MINDY3: variants seen among roughly 807,000 people sequenced by gnomAD.
MINDY3 encodes the protein MINDY lysine 48 deubiquitinase 3.
A neutral mutation model predicts 69.2 loss-of-function variants in MINDY3; 38 were observed. That is an observed-to-expected ratio of 0.55 (90% CI 0.42 to 0.72). MINDY3 has a LOEUF of 0.72. Ranked by LOEUF, MINDY3 falls within the 30% of genes least tolerant of loss-of-function variation. The pLI, the probability that MINDY3 is intolerant of heterozygous loss-of-function variation, is 0.00. For missense variants in MINDY3, 522 were observed against 519.0 expected (o/e 1.01, Z -0.06); for synonymous variants, 192 against 180.1 (o/e 1.07, Z -0.53).
At position 15,854,860 on chromosome 10, in the gene MINDY3, T is replaced by G. The variant is rs764363378; in HGVS notation, c.94+5346A>C. On this transcript the variant is annotated intron_variant, in intron 1 of 14. Coordinates refer to ENST00000277632, the MANE Select transcript of MINDY3 (RefSeq NM_024948.4). ...TTAATAAGAAAGTGACAACTAAGGT[T>G]TCTGGTTATGTTAAAACAACCAAAT... 5.1e-4 allele frequency among the ~76,000 whole-genome samples: 77 copies of G among 152,064 alleles called. 2 individuals carry two copies. Among genetic ancestry groups the G allele is most frequent in the Admixed American group, 4.5e-3 (69 of 15,252 alleles).
chr10:15,850,691 A>G (rs1329465562), intron 1 of MINDY3, among the ~76,000 whole-genome samples: 1 of 152,160 alleles, frequency 6.6e-6, no homozygotes, highest in Non-Finnish European at 1.5e-5. Flanking sequence ...CCGGCCCAGT[A>G]CAACATGAAA....
chr10:15,841,219 AT>A (rs960270512), intron 4 of MINDY3, among the ~76,000 whole-genome samples: 3 of 149,610 alleles, frequency 2.0e-5, no homozygotes, highest in African/African-American at 7.3e-5. Flanking sequence ...TAAGAGATGC[AT>A]TTTTTTTTGC....
intron 6 of MINDY3, among the ~76,000 whole-genome samples, chr10:15,836,545 G>A (rs545788596): frequency 6.6e-6 from 1 of 151,966 alleles, no homozygotes; most frequent in African/African-American, 2.4e-5. Flanking sequence ...AGACATGATA[G>A]ATCTAATAGC....
chr10:15,798,565 CAGGACTTAGTTAG>C lies in MINDY3; in HGVS notation c.883-2406_883-2394del, dbSNP rs1399321597. On this transcript the variant is annotated intron_variant, in intron 10 of 14. Coordinates refer to ENST00000277632, the MANE Select transcript of MINDY3 (RefSeq NM_024948.4). ...GGCCAAGGTGGGCAGATAACGAGGT[CAGGACTTAGTTAG>C]AGACCAGACTGGCCAACATGGTGAA... is the stretch of plus-strand genomic sequence containing the variant. Among the ~76,000 whole-genome samples the C allele has an allele frequency of 2.6e-5, 4 of 151,108 alleles. No individual in the cohort carries two copies. The East Asian group carries it at 7.8e-4, about 29-fold the overall frequency.
At chr10:15,841,376 TA>T in intron 4 of MINDY3, 49 bp downstream of exon 4, 2 of 1,446,002 alleles carry the variant, frequency 1.4e-6, no homozygotes, top group South Asian at 2.5e-5. Context: ...ATAGATTCAT[TA>T]AAACAAAGGA....
chr10:15,848,650 AAAAAAAAAAAAAGAAAG>A (rs1289436863), intron 1 of MINDY3, among the ~76,000 whole-genome samples: 17 of 128,776 alleles, frequency 1.3e-4, no homozygotes, highest in Admixed American at 5.9e-4. Context: ...AAAAAAAAAA[AAAAAAAAAAAAAGAAAG>A]AAAAATTAAA....
intron 14 of MINDY3, among the ~76,000 whole-genome samples, chr10:15,780,040 C>T (rs139468338): frequency 5.5e-4 from 84 of 152,254 alleles, no homozygotes; most frequent in African/African-American, 1.9e-3. Context: ...GAAACAGATA[C>T]AGACGACTGT....
chr10:15,822,198 C>G (rs926158332), intron 8 of MINDY3, among the ~76,000 whole-genome samples: 1 of 152,120 alleles, frequency 6.6e-6, no homozygotes, highest in African/African-American at 2.4e-5. Context: ...ACATTTAATG[C>G]CATCCCTCTT....
intron 10 of MINDY3, among the ~76,000 whole-genome samples, chr10:15,803,443 A>G (rs1838404695): frequency 1.3e-5 from 2 of 152,112 alleles, no homozygotes; most frequent in Admixed American, 1.3e-4. Context: ...AAGACAAAAC[A>G]CTTCAGAGGT....
chr10:15,853,465 A>AGCTGTCCTAGTGGTC lies in MINDY3; in HGVS notation c.95-5537_95-5523dup, dbSNP rs554202083. On this transcript the variant is annotated intron_variant, in intron 1 of 14. Coordinates refer to ENST00000277632, the MANE Select transcript of MINDY3 (RefSeq NM_024948.4). ...AGCATACATCGAGACAGTAACATCA[A>AGCTGTCCTAGTGGTC]GCTGTCCTAGTGGTCACTGTCCTAA... Among the ~76,000 whole-genome samples, 662 of 152,266 alleles carry AGCTGTCCTAGTGGTC rather than the reference A, an allele frequency of 4.3e-3. 6 individuals carry two copies. The highest frequency in any genetic ancestry group is 0.015 in the African/African-American group (637 of 41,556).
intron 10 of MINDY3, among the ~76,000 whole-genome samples, chr10:15,805,567 C>T (rs1247453049): frequency 6.6e-6 from 1 of 152,090 alleles, no homozygotes; most frequent in Non-Finnish European, 1.5e-5. Context: ...TTGCTGCTTC[C>T]TCCTTCTAAG....
intron 9 of MINDY3, chr10:15,817,657 C>G (rs894351396): frequency 2.0e-5 from 3 of 152,212 alleles, no homozygotes; most frequent in African/African-American, 4.8e-5. Context: ...CAATTCCACT[C>G]TCATATGAAG....
intron 8 of MINDY3, among the ~76,000 whole-genome samples, chr10:15,823,382 G>C (rs773957476): frequency 6.6e-6 from 1 of 152,040 alleles, no homozygotes; most frequent in Non-Finnish European, 1.5e-5. Flanking sequence ...TAAGCACAGA[G>C]TTTTACAGAG....
intron 1 of MINDY3, 128 bp from the exon 2 acceptor site, chr10:15,848,071 G>A (rs1219180792): frequency 9.7e-6 from 7 of 722,000 alleles, no homozygotes; most frequent in Middle Eastern, 3.7e-4. Context: ...ATCATGAGGT[G>A]TGGATCAAGG....
chr10:15,858,678 T>C (rs1218031242), intron 1 of MINDY3, among the ~76,000 whole-genome samples: 1 of 152,206 alleles, frequency 6.6e-6, no homozygotes, highest in East Asian at 1.9e-4. Flanking sequence ...TCTTAACCAT[T>C]ACTAGAACTG....
At chr10:15,805,873 C>T (rs989460449) in intron 10 of MINDY3, among the ~76,000 whole-genome samples, 18 of 152,184 alleles carry the variant, frequency 1.2e-4, no homozygotes, top group East Asian at 3.9e-4. Context: ...GTTATGAGGG[C>T]GGTAAGCTTT....
chr10:15,844,376 A>G (rs1296005644), intron 2 of MINDY3, among the ~76,000 whole-genome samples: 1 of 152,222 alleles, frequency 6.6e-6, no homozygotes, highest in African/African-American at 2.4e-5. Context: ...CACAGCCAAT[A>G]TAACTACTGT....
At chr10:15,791,379 G>A (rs1837399263) in intron 11 of MINDY3, among the ~76,000 whole-genome samples, 1 of 151,860 alleles carries the variant, frequency 6.6e-6, no homozygotes, top group African/African-American at 2.4e-5. Context: ...GAGGCACAAA[G>A]ATGAAAAGAC....
intron 10 of MINDY3, 43 bp from the exon 11 acceptor site, chr10:15,796,215 T>TGACA: frequency 6.6e-7 from 1 of 1,517,828 alleles, no homozygotes; most frequent in Non-Finnish European, 9.1e-7. Flanking sequence ...TACAGTATTA[T>TGACA]GACATTAAAA....
Sources: allele counts gnomAD v4.1 joint callset (sites outside exome capture counted in the v4.1 genomes callset), GRCh38; gene constraint gnomAD v4.1.1; transcripts MANE v1.5; gene names NCBI Gene and HGNC (gene_info 2026-07-23, HGNC 2026-07-21).